SPATA6: variants seen among roughly 807,000 people sequenced by gnomAD.
SPATA6 encodes spermatogenesis associated 6.
A neutral mutation model predicts 65.3 loss-of-function variants in SPATA6; 56 were observed. That is an observed-to-expected ratio of 0.86 (90% confidence interval 0.69 to 1.07). The LOEUF (loss-of-function observed/expected upper bound fraction) is 1.07, where lower values mean the gene tolerates loss of function less well. Ranked by LOEUF, SPATA6 falls within the 50% of genes least tolerant of loss-of-function variation. SPATA6 has a pLI of 0.00. For missense variants in SPATA6, 590 were observed against 594.8 expected (o/e 0.99, Z 0.08); for synonymous variants, 199 against 213.2 (o/e 0.93, Z 0.58).
At position 48,407,979 on chromosome 1, in the gene SPATA6, G is replaced by C. The variant is rs145034265; in HGVS notation, c.405+3485C>G. 6.8e-3 allele frequency among the ~76,000 whole-genome samples: 1,034 copies of C among 152,218 alleles called. 11 individuals carry two copies. Among genetic ancestry groups the C allele is most frequent in the African/African-American group, 0.022 (911 of 41,544 alleles). On this transcript the variant is annotated intron_variant, in intron 5 of 12. Transcript: ENST00000371847. Reference sequence around the variant, plus strand: ...TTTAAAATGTGATTATTTGTTCATTGTATGTTTCCACACAGATCTTGAAAT... The same window carrying C: ...TTTAAAATGTGATTATTTGTTCATTCTATGTTTCCACACAGATCTTGAAAT...
rs1644822827 is a variant in SPATA6 at position 48,296,932 on chromosome 1, G to A, written c.*1781C>T. ...TTTAAGGAACATCAATTACATGCCA[G>A]GCTGTCTACTAGATGCAGAGTAAGA... is the stretch of plus-strand genomic sequence containing the variant. On this transcript the variant is annotated 3_prime_UTR_variant, in exon 13 of 13. Coordinates refer to ENST00000371847, the MANE Select transcript of SPATA6 (RefSeq NM_019073.4). The A allele has an allele frequency of 6.6e-6, 1 of 152,042 alleles. No individual in the cohort carries two copies. 9.4% of individuals were successfully genotyped at this position (152,042 alleles called of 1,614,324 possible). A position where few individuals can be genotyped will look rare whatever the true frequency, so the allele number is the denominator to read the frequency against.
At chr1:48,451,164 T>C (rs191330037) in intron 3 of SPATA6, among the ~76,000 whole-genome samples, 7 of 152,356 alleles carry the variant, frequency 4.6e-5, no homozygotes, top group Middle Eastern at 3.4e-3. Context: ...TACTTTGATC[T>C]GTTATTCACT....
chr1:48,467,533 T>C (rs889974376), intron 1 of SPATA6, among the ~76,000 whole-genome samples: 1 of 151,954 alleles, frequency 6.6e-6, no homozygotes, highest in Non-Finnish European at 1.5e-5. Context: ...AATAGTATTA[T>C]CCAATAATAA....
chr1:48,381,372 T>C (rs1346980917), intron 9 of SPATA6, among the ~76,000 whole-genome samples: 1 of 152,210 alleles, frequency 6.6e-6, no homozygotes, highest in African/African-American at 2.4e-5. Flanking sequence ...CCAGTCTCCA[T>C]ACTCAGCAAT....
At position 48,453,074 on chromosome 1, in the gene SPATA6, C is replaced by A; in HGVS notation, c.109G>T (p.Val37Leu). 1 of 1,614,036 alleles carries A rather than the reference C, an allele frequency of 6.2e-7. No individual in the cohort carries two copies. Among genetic ancestry groups the A allele is most frequent in the African/African-American group, 1.3e-5 (1 of 75,038 alleles). ...DKEDIYLSIC[V>L]FGQYKKTQCV... ...TGTGTCTTTTTGTATTGGCCAAACA[C>A]ACAGATGCTAAGATAGATGTCCTCT... is the stretch of plus-strand genomic sequence containing the variant. Residue 37 changes from valine to leucine, a missense_variant, in exon 2 of 13, where the codon GTG becomes TTG. Coordinates refer to ENST00000371847, the MANE Select transcript of SPATA6 (RefSeq NM_019073.4).
intron 9 of SPATA6, among the ~76,000 whole-genome samples, chr1:48,370,117 T>G (rs1224771830): frequency 6.6e-6 from 1 of 152,194 alleles, no homozygotes; most frequent in Non-Finnish European, 1.5e-5. Flanking sequence ...CAAATTAGTG[T>G]GGGTGAGAAT....
At chr1:48,441,915 T>C (rs980656303) in intron 3 of SPATA6, among the ~76,000 whole-genome samples, 3 of 152,196 alleles carry the variant, frequency 2.0e-5, no homozygotes, top group Non-Finnish European at 2.9e-5. Context: ...CCTGCTTAGA[T>C]ACCAGGAGCT....
intron 3 of SPATA6, among the ~76,000 whole-genome samples, chr1:48,444,600 C>T (rs1655835559): frequency 6.6e-6 from 1 of 152,152 alleles, no homozygotes. Context: ...GTAACATGGA[C>T]CAAACAGAAG....
chr1:48,293,169 G>A (rs941450716), downstream of SPATA6, among the ~76,000 whole-genome samples: 51 of 152,214 alleles, frequency 3.4e-4, no homozygotes, highest in African/African-American at 1.0e-3. Context: ...AGTCTTCCCC[G>A]GGATTTGAGT....
chr1:48,323,577 A>G (rs1645664392), intron 11 of SPATA6, among the ~76,000 whole-genome samples: 1 of 151,774 alleles, frequency 6.6e-6, no homozygotes. Context: ...TAAAAAAGAA[A>G]GGATAAACAA....
chr1:48,312,413 C>T (rs184767072), intron 11 of SPATA6, among the ~76,000 whole-genome samples: 37 of 152,262 alleles, frequency 2.4e-4, no homozygotes, highest in African/African-American at 7.2e-4. Context: ...CTGCAGTCTT[C>T]GCTGCTGATA....
chr1:48,411,577 G>A lies in SPATA6; in HGVS notation c.292C>T (p.Leu98=). The change falls in exon 5 of 13, where the codon CTG becomes TTG. Residue 98 remains leucine (L), a synonymous_variant. Transcript: ENST00000371847. ...CGTGTATTTTCGTCATACGTAGACA[G>A]TGTTTCACCCACTACAAGAAAGATA... is the stretch of plus-strand genomic sequence containing the variant. ...IQLVPPVGET[L]STYDENTRDF... The A allele has an allele frequency of 1.3e-6, 2 of 1,593,754 alleles. No homozygotes were observed. The highest frequency in any genetic ancestry group is 1.7e-6 in the Non-Finnish European group (2 of 1,170,830).
chr1:48,298,883 G>T lies in SPATA6; in HGVS notation c.1297C>A (p.Gln433Lys). Residue 433 changes from glutamine (Q) to lysine (K), a missense_variant, in exon 13 of 13, where the codon CAG becomes AAG. By Grantham distance (53) the Gln-to-Lys change is moderately conservative. Transcript: ENST00000371847. Reference protein sequence around the residue: ...DSDPEYSSCQQPRGTFHLDDG... With the variant: ...DSDPEYSSCQKPRGTFHLDDG... ...TCCAAATGGAAAGTGCCACGTGGCT[G>T]CTGACATGAGCTATAAAAAGGGATA... 6.2e-7 allele frequency: 1 copy of T among 1,612,450 alleles called. No homozygotes were observed. Among genetic ancestry groups the T allele is most frequent in the South Asian group, 1.1e-5 (1 of 90,718 alleles).
At chr1:48,373,330 C>G (rs191739218) in intron 9 of SPATA6, among the ~76,000 whole-genome samples, 40 of 152,336 alleles carry the variant, frequency 2.6e-4, no homozygotes, top group African/African-American at 9.1e-4. Flanking sequence ...CCGCCACTCT[C>G]TTTACAAGAG....
chr1:48,436,233 A>G (rs1654928963), intron 3 of SPATA6: 1 of 1,613,462 alleles, frequency 6.2e-7, no homozygotes, highest in African/African-American at 1.3e-5. Flanking sequence ...TAACTATAAA[A>G]ATTACAAATC....
chr1:48,418,834 A>C (rs1653053503), intron 3 of SPATA6, among the ~76,000 whole-genome samples: 1 of 137,690 alleles, frequency 7.3e-6, no homozygotes. Context: ...GGAGGGAAAG[A>C]GAGAGAGAGG....
chr1:48,357,919 A>T (rs1646703332), intron 10 of SPATA6, among the ~76,000 whole-genome samples: 1 of 152,196 alleles, frequency 6.6e-6, no homozygotes, highest in Non-Finnish European at 1.5e-5. Flanking sequence ...AGGTAAATTC[A>T]AAACTAAATT....
chr1:48,452,650 C>T (rs1302440031), intron 2 of SPATA6, among the ~76,000 whole-genome samples: 13 of 152,186 alleles, frequency 8.5e-5, no homozygotes, highest in Admixed American at 8.5e-4. Flanking sequence ...TCCCAAAGTG[C>T]TGGGATTGCA....
chr1:48,301,680 C>T (rs188651536), intron 12 of SPATA6, among the ~76,000 whole-genome samples: 43 of 151,904 alleles, frequency 2.8e-4, no homozygotes, highest in Non-Finnish European at 4.9e-4. Context: ...TAACAACAGA[C>T]GAATAGACTA....
Sources: gnomAD v4.1 joint callset for allele counts (sites outside exome capture counted in the v4.1 genomes callset) on GRCh38, gnomAD v4.1.1 for gene constraint, MANE v1.5 for transcripts, NCBI Gene and HGNC (gene_info 2026-07-23, HGNC 2026-07-21) for gene names.